The following TMTC4 variants were observed in gnomAD, a reference collection of about 807,000 sequenced individuals.
TMTC4 encodes transmembrane O-mannosyltransferase targeting cadherins 4, also known as protein O-mannosyl-transferase TMTC4.
Under a neutral mutation model 86.0 loss-of-function variants are expected in TMTC4, and 65 were observed. The observed-to-expected ratio is 0.76, with a 90% CI of 0.62 to 0.93. The LOEUF (loss-of-function observed/expected upper bound fraction) is 0.93, where lower values mean the gene tolerates loss of function less well. Among genes scored for constraint, TMTC4 ranks in the 40% least tolerant of loss-of-function variants. TMTC4 has a pLI of 0.00. For synonymous variants in TMTC4, 379 were observed against 382.5 expected (o/e 0.99, Z 0.11); for missense variants, 866 against 948.1 (o/e 0.91, Z 1.14).
At chr13:100,642,073 G>GAAAGGTCTATC in intron 7 of TMTC4, 138 bp downstream of exon 7, 1 of 771,440 alleles carries the variant, frequency 1.3e-6, no homozygotes, top group Non-Finnish European at 2.1e-6. Context: ...CATTTGTCCA[G>GAAAGGTCTATC]AAAGGTCTAT....
chr13:100,673,360 A>C (rs988851897), intron 1 of TMTC4: 17 of 985,288 alleles, frequency 1.7e-5, no homozygotes, highest in South Asian at 4.7e-5. Flanking sequence ...CTACAGAAGA[A>C]TATTCCCCTC....
intron 3 of TMTC4, among the ~76,000 whole-genome samples, chr13:100,667,785 A>C (rs1422803437): frequency 1.3e-5 from 2 of 152,184 alleles, no homozygotes; most frequent in Non-Finnish European, 2.9e-5. Flanking sequence ...CAGATTGTTG[A>C]GAGGCTCTAA....
In TMTC4 at chr13:100,655,016, A is replaced by ATTTTTTTTT. The variant is rs35965658; in HGVS notation, c.640+1356_640+1364dup. The stretch of plus-strand genomic sequence containing the variant: ...GTCTTTGAGAAAAGCCACAACGCCT[A>ATTTTTTTTT]TTTTTTTTTTTTTTTTTTTTTGTGA... On this transcript the variant is annotated intron_variant, in intron 6 of 18. Coordinates refer to ENST00000342624, the MANE Select transcript of TMTC4 (RefSeq NM_032813.5). 6.7e-5 allele frequency among the ~76,000 whole-genome samples: 8 copies of ATTTTTTTTT among 118,656 alleles called. 1 individual carries two copies. Among genetic ancestry groups the ATTTTTTTTT allele is most frequent in the Non-Finnish European group, 1.0e-4 (6 of 59,212 alleles). 77.8% of individuals were successfully genotyped at this position (118,656 alleles called of 152,430 possible).
chr13:100,656,542 C>CATTTTTTTTTTT, intron 5 of TMTC4, 74 bp from the exon 6 acceptor site: 2 of 384,140 alleles, frequency 5.2e-6, no homozygotes, highest in Non-Finnish European at 4.2e-6. Flanking sequence ...GGAGACATAA[C>CATTTTTTTTTTT]TTTTTTTTTT....
intron 17 of TMTC4, among the ~76,000 whole-genome samples, chr13:100,609,678 T>TAC (rs535180236): frequency 4.0e-4 from 57 of 142,708 alleles, no homozygotes; most frequent in South Asian, 1.1e-3. Flanking sequence ...AATGTATATA[T>TAC]ATACACACAC....
At chr13:100,617,994 G>C (rs956939242) in intron 15 of TMTC4, among the ~76,000 whole-genome samples, 1 of 152,120 alleles carries the variant, frequency 6.6e-6, no homozygotes, top group Non-Finnish European at 1.5e-5. Flanking sequence ...ACTCGTTTGT[G>C]TCACCTCTGA....
intron 17 of TMTC4, among the ~76,000 whole-genome samples, chr13:100,611,225 C>A (rs1486432282): frequency 6.6e-6 from 1 of 152,192 alleles, no homozygotes; most frequent in Non-Finnish European, 1.5e-5. Context: ...AAAGGTATTT[C>A]TCTTAAGAAA....
chr13:100,621,886 C>T (rs912488634), intron 15 of TMTC4, among the ~76,000 whole-genome samples: 1 of 152,196 alleles, frequency 6.6e-6, no homozygotes, highest in Non-Finnish European at 1.5e-5. Flanking sequence ...CTCCACCCCA[C>T]CCCTATTCTC....
chr13:100,637,743 A>C, intron 8 of TMTC4, 41 bp from the exon 9 acceptor site: 1 of 1,600,702 alleles, frequency 6.2e-7, no homozygotes, highest in Non-Finnish European at 8.5e-7. Context: ...GCTGATTTTC[A>C]CATAAAAGTG....
chr13:100,674,491 G>GGGCA, intron 1 of TMTC4: 8 of 949,442 alleles, frequency 8.4e-6, no homozygotes, highest in Non-Finnish European at 1.0e-5. Flanking sequence ...CGAGCGCGGC[G>GGGCA]GGCGGGGCGC....
chr13:100,673,287 C>A, intron 1 of TMTC4: 1 of 984,910 alleles, frequency 1.0e-6, no homozygotes, highest in South Asian at 4.7e-5. Flanking sequence ...GCCTGGACTG[C>A]GGTAAACAGA....
At position 100,656,401 on chromosome 13, in the gene TMTC4, T is replaced by C. The variant is rs776916697; in HGVS notation, c.620A>G (p.Tyr207Cys). 1.9e-6 allele frequency: 3 copies of C among 1,613,000 alleles called. No homozygotes were observed. The highest frequency in any genetic ancestry group is 2.2e-5 in the East Asian group (1 of 44,844). ...ALFFLLSFLG[Y>C]CKAFRESNKE... is the part of the protein sequence containing the mutation. Reference sequence around the variant, plus strand: ...CTTACTTTCTCTAAATGCTTTACAGTAGCCAAGGAAAGATAACAAGAAGAA... The same window carrying C: ...CTTACTTTCTCTAAATGCTTTACAGCAGCCAAGGAAAGATAACAAGAAGAA... The change falls in exon 6 of 19, where the codon TAC (tyrosine) becomes TGC (cysteine). Residue 207 changes from tyrosine (Y) to cysteine (C), a missense_variant. Tyr to Cys is a radical substitution (Grantham distance 194). Coordinates refer to ENST00000342624, the MANE Select transcript of TMTC4 (RefSeq NM_032813.5).
chr13:100,615,069 T>A (rs1031587012), intron 15 of TMTC4: 1 of 288,374 alleles, frequency 3.5e-6, no homozygotes, highest in Admixed American at 6.5e-5. Flanking sequence ...TTGAGTTTGT[T>A]TGCTTCATTT....
At position 100,605,210 on chromosome 13, in the gene TMTC4, G is replaced by A; in HGVS notation, c.2135-68C>T. On this transcript the variant is annotated intron_variant, in intron 18 of 18. Transcript: ENST00000342624. The surrounding 1 kb of genome is among the most constrained non-coding windows in gnomAD (Gnocchi z 4.3). ...TAACGTGCCGTATTCCTACCCTCTT[G>A]GACAAAGAAATATTACAGATCCTAT... 6.6e-7 allele frequency: 1 copy of A among 1,511,220 alleles called. No individual in the cohort carries two copies. The highest frequency in any genetic ancestry group is 8.9e-7 in the Non-Finnish European group (1 of 1,124,836). The allele number at this position is 1,511,220 out of a possible 1,614,324, so 93.6% of individuals were successfully genotyped here.
intron 15 of TMTC4, among the ~76,000 whole-genome samples, chr13:100,619,394 G>A (rs1391934582): frequency 6.6e-6 from 1 of 150,578 alleles, no homozygotes; most frequent in Admixed American, 6.6e-5. Context: ...TTTTTTAGCA[G>A]GTGACCCTGT....
intron 1 of TMTC4, chr13:100,674,016 TA>T (rs1041030172): frequency 1.0e-6 from 1 of 984,400 alleles, no homozygotes; most frequent in Non-Finnish European, 1.2e-6. Flanking sequence ...GTGTGTGGTT[TA>T]AAAAAAAGAA....
intron 12 of TMTC4, among the ~76,000 whole-genome samples, chr13:100,634,239 T>C (rs184726277): frequency 6.8e-4 from 103 of 152,254 alleles, no homozygotes; most frequent in Non-Finnish European, 1.3e-3. Flanking sequence ...CATGACTGTA[T>C]GTACATTTAT....
intron 15 of TMTC4, among the ~76,000 whole-genome samples, chr13:100,623,605 C>T (rs1450630871): frequency 1.6e-5 from 2 of 127,424 alleles, no homozygotes; most frequent in East Asian, 2.5e-4. Flanking sequence ...GTGGGACGGT[C>T]TGGATGCATG....
At chr13:100,623,632 C>A (rs1242909046) in intron 15 of TMTC4, among the ~76,000 whole-genome samples, 1 of 132,704 alleles carries the variant, frequency 7.5e-6, no homozygotes, top group Admixed American at 7.8e-5. Flanking sequence ...TTGGAAACTA[C>A]TAGTTGGGTT....
Sources: gnomAD v4.1 joint callset for allele counts (sites outside exome capture counted in the v4.1 genomes callset) on GRCh38, gnomAD v4.1.1 for gene constraint, Gnocchi (gnomAD v3.1) non-coding constraint, MANE v1.5 for transcripts, NCBI Gene and HGNC (gene_info 2026-07-23, HGNC 2026-07-21) for gene names.